The following ARPC5L variants were observed in gnomAD, a reference collection of about 807,000 sequenced individuals.
ARPC5L encodes the protein actin related protein 2/3 complex subunit 5 like.
In ARPC5L, 4 loss-of-function variants were observed where a neutral mutation model predicts 16.9. The ratio of observed to expected loss-of-function variants is 0.24; its 90% CI spans 0.12 to 0.54. ARPC5L has a LOEUF of 0.54. Ranked by LOEUF, ARPC5L falls within the 20% of genes least tolerant of loss-of-function variation. The pLI is 0.95. For missense variants in ARPC5L, 151 were observed against 201.9 expected (o/e 0.75, Z 1.53); for synonymous variants, 78 against 82.6 (o/e 0.94, Z 0.30).
intron 3 of ARPC5L, among the ~76,000 whole-genome samples, chr9:124,872,131 G>A (rs140065968): frequency 3.9e-5 from 6 of 152,282 alleles, no homozygotes; most frequent in Admixed American, 1.3e-4. Flanking sequence ...TAACGCCACA[G>A]CAGTAGCTTT....
At chr9:124,865,765 C>G (rs2131329903) in intron 2 of ARPC5L, among the ~76,000 whole-genome samples, 1 of 151,726 alleles carries the variant, frequency 6.6e-6, no homozygotes, top group East Asian at 1.9e-4. Flanking sequence ...TTCACTCAAG[C>G]CTGGGCGAAA....
chr9:124,872,868 G>A (rs1829380240), intron 3 of ARPC5L: 1 of 152,286 alleles, frequency 6.6e-6, no homozygotes, highest in African/African-American at 2.4e-5. Context: ...CTGTCTGCAC[G>A]TGGGTATCAC....
At position 124,877,034 on chromosome 9, in the gene ARPC5L, C is replaced by G; in HGVS notation, c.*94C>G. 1 of 922,332 alleles carries G rather than the reference C, an allele frequency of 1.1e-6. No individual in the cohort carries two copies. Among genetic ancestry groups the G allele is most frequent in the Non-Finnish European group, 1.6e-6 (1 of 609,068 alleles). 57.1% of individuals were successfully genotyped at this position (922,332 alleles called of 1,614,324 possible). A position where few individuals can be genotyped will look rare whatever the true frequency, so the allele number is the denominator to read the frequency against. The stretch of plus-strand genomic sequence containing the variant: ...ACAATGGACCATCTTCCTAGGAACT[C>G]CCAAGTAAACTATTTCAGGACATGT... On this transcript the variant is annotated 3_prime_UTR_variant, in exon 6 of 6. Coordinates refer to ENST00000353214, the MANE Select transcript of ARPC5L (RefSeq NM_030978.3).
At chr9:124,872,235 G>A (rs1829370343) in intron 3 of ARPC5L, among the ~76,000 whole-genome samples, 3 of 152,202 alleles carry the variant, frequency 2.0e-5, no homozygotes. Context: ...TGAAGAGCAA[G>A]TGAGCCTATG....
Position 124,876,928 on chromosome 9 carries a change from A to G in ARPC5L, c.450A>G (p.Arg150=). ...LGSIIRVLTA[R]KTV is the part of the protein sequence containing the mutation. ...CCATTATAAGAGTTCTTACAGCAAGAAAGACTGTTTAAAAAAAATAAAAAG... is the reference window on the plus strand; with the variant it reads ...CCATTATAAGAGTTCTTACAGCAAGGAAGACTGTTTAAAAAAAATAAAAAG... Residue 150 remains arginine (R), a synonymous_variant, in exon 6 of 6, where the codon AGA becomes AGG. Coordinates refer to ENST00000353214, the MANE Select transcript of ARPC5L (RefSeq NM_030978.3). 1.2e-6 allele frequency: 2 copies of G among 1,612,900 alleles called. No homozygotes were observed. The highest frequency in any genetic ancestry group is 8.5e-7 in the Non-Finnish European group (1 of 1,179,526).
chr9:124,870,908 C>T (rs1039412326), intron 3 of ARPC5L, among the ~76,000 whole-genome samples: 1 of 152,210 alleles, frequency 6.6e-6, no homozygotes, highest in African/African-American at 2.4e-5. Flanking sequence ...GGGCTTAGCA[C>T]ATCCAGGGGA....
At position 124,876,992 on chromosome 9, in the gene ARPC5L, T is replaced by A; in HGVS notation, c.*52T>A. 1.3e-6 allele frequency: 2 copies of A among 1,496,328 alleles called. No individual in the cohort carries two copies. The highest frequency in any genetic ancestry group is 1.8e-6 in the Non-Finnish European group (2 of 1,091,048). 92.7% of individuals were successfully genotyped at this position (1,496,328 alleles called of 1,614,324 possible). Reference sequence around the variant, plus strand: ...TGAGAAGAATTCTGGATGCCCAGGCTGGTGAAGAAGGGATTGACAATGGAC... The same window carrying A: ...TGAGAAGAATTCTGGATGCCCAGGCAGGTGAAGAAGGGATTGACAATGGAC... On this transcript the variant is annotated 3_prime_UTR_variant, in exon 6 of 6. Transcript: ENST00000353214.
intron 2 of ARPC5L, among the ~76,000 whole-genome samples, chr9:124,865,034 G>A (rs1239593468): frequency 1.3e-5 from 2 of 151,244 alleles, no homozygotes; most frequent in South Asian, 2.1e-4. Context: ...ATTTCACCAC[G>A]TTGGCCAGGC....
At chr9:124,862,781 C>T (rs1051012018) in intron 1 of ARPC5L, among the ~76,000 whole-genome samples, 2 of 152,040 alleles carry the variant, frequency 1.3e-5, no homozygotes, top group African/African-American at 4.8e-5. Context: ...TCGCCTCGGC[C>T]TCCCAAAGTG....
chr9:124,871,764 C>T (rs150651848), intron 3 of ARPC5L, among the ~76,000 whole-genome samples: 79 of 152,240 alleles, frequency 5.2e-4, no homozygotes, highest in African/African-American at 1.9e-3. Flanking sequence ...TGCACCCTTC[C>T]CCTCCACCCC....
chr9:124,867,360 C>G (rs1241319062), intron 2 of ARPC5L, among the ~76,000 whole-genome samples: 3 of 151,958 alleles, frequency 2.0e-5, no homozygotes, highest in African/African-American at 4.8e-5. Context: ...AGGCTGGTCT[C>G]GAATTCCTGA....
At chr9:124,873,604 T>C in intron 3 of ARPC5L, 88 bp from the exon 4 acceptor site, 1 of 1,465,876 alleles carries the variant, frequency 6.8e-7, no homozygotes, top group Non-Finnish European at 9.5e-7. Flanking sequence ...CCCATCTGAC[T>C]CTGTTCCTGA....
intron 5 of ARPC5L, among the ~76,000 whole-genome samples, chr9:124,875,614 A>G (rs1309545000): frequency 1.3e-5 from 2 of 152,204 alleles, no homozygotes; most frequent in African/African-American, 4.8e-5. Flanking sequence ...AGCAGTGGGC[A>G]GAAACCTTGA....
rs548655231 is a variant in ARPC5L at position 124,869,204 on chromosome 9, C to A, written c.-87C>A. On this transcript the variant is annotated 5_prime_UTR_variant, in exon 3 of 6. Transcript: ENST00000353214. Reference sequence around the variant, plus strand: ...TGGGAGCAGCCGGGCAGCCGCTTCCCGCCCCCGAGCAGGAGCCGGTGCGAG... The same window carrying A: ...TGGGAGCAGCCGGGCAGCCGCTTCCAGCCCCCGAGCAGGAGCCGGTGCGAG... 9 of 1,329,136 alleles carry A rather than the reference C, an allele frequency of 6.8e-6. No homozygotes were observed. Among genetic ancestry groups the A allele is most frequent in the Non-Finnish European group, 6.8e-6 (7 of 1,031,178 alleles). 82.3% of individuals were successfully genotyped at this position (1,329,136 alleles called of 1,614,324 possible). A position where few individuals can be genotyped will look rare whatever the true frequency, so the allele number is the denominator to read the frequency against.
In ARPC5L at chr9:124,869,239, G is replaced by A; in HGVS notation, c.-52G>A. ...CAGGAGCCGGTGCGAGCGGAGCAGAGCCGAGGTCGGGCCGCGAGCGGAGCC... is the reference window on the plus strand; with the variant it reads ...CAGGAGCCGGTGCGAGCGGAGCAGAACCGAGGTCGGGCCGCGAGCGGAGCC... On this transcript the variant is annotated 5_prime_UTR_variant, in exon 3 of 6. Transcript: ENST00000353214. 3 of 1,475,654 alleles carry A rather than the reference G, an allele frequency of 2.0e-6. No individual in the cohort carries two copies. The highest frequency in any genetic ancestry group is 2.7e-6 in the Non-Finnish European group (3 of 1,115,084). 91.4% of individuals were successfully genotyped at this position (1,475,654 alleles called of 1,614,324 possible).
chr9:124,867,166 G>T, intron 2 of ARPC5L, among the ~76,000 whole-genome samples: 1 of 144,212 alleles, frequency 6.9e-6, no homozygotes. Flanking sequence ...TTTTGAGATG[G>T]TATCTCACTC....
intron 3 of ARPC5L, 136 bp from the exon 4 acceptor site, chr9:124,873,556 C>A (rs1829390148): frequency 1.1e-5 from 11 of 959,378 alleles, no homozygotes; most frequent in Admixed American, 8.1e-5. Flanking sequence ...GTCTCTGCCC[C>A]CCTGGAAGCC....
rs531882169 is a variant in ARPC5L at position 124,877,274 on chromosome 9, A to G, written c.*334A>G. The G allele has an allele frequency of 5.8e-5, 15 of 258,446 alleles. 1 individual carries two copies. The highest frequency in any genetic ancestry group is 2.5e-4 in the African/African-American group (11 of 43,914). 16.0% of individuals were successfully genotyped at this position (258,446 alleles called of 1,614,324 possible). A position where few individuals can be genotyped will look rare whatever the true frequency, so the allele number is the denominator to read the frequency against. Reference sequence around the variant, plus strand: ...AGGTGCAGATCCAAGGGCTGTGGTAAACGGGAGAGCTTGTGTTTTTGAAGT... The same window carrying G: ...AGGTGCAGATCCAAGGGCTGTGGTAGACGGGAGAGCTTGTGTTTTTGAAGT... On this transcript the variant is annotated 3_prime_UTR_variant, in exon 6 of 6. Transcript: ENST00000353214.
Position 124,869,213 on chromosome 9 carries a change from G to C in ARPC5L, c.-78G>C. 7.4e-7 allele frequency: 1 copy of C among 1,355,044 alleles called. No individual in the cohort carries two copies. The highest frequency in any genetic ancestry group is 1.8e-5 in the South Asian group (1 of 57,052). The allele number at this position is 1,355,044 out of a possible 1,614,324, so 83.9% of individuals were successfully genotyped here. On this transcript the variant is annotated 5_prime_UTR_variant, in exon 3 of 6. Transcript: ENST00000353214. ...CCGGGCAGCCGCTTCCCGCCCCCGA[G>C]CAGGAGCCGGTGCGAGCGGAGCAGA...
Sources: gnomAD v4.1 joint callset for allele counts (sites outside exome capture counted in the v4.1 genomes callset) on GRCh38, gnomAD v4.1.1 for gene constraint, MANE v1.5 for transcripts, NCBI Gene and HGNC (gene_info 2026-07-23, HGNC 2026-07-21) for gene names.